The following PTPRN2 variants were observed in gnomAD, a reference collection of about 807,000 sequenced individuals.
The protein encoded by PTPRN2 is protein tyrosine phosphatase receptor type N2.
PTPRN2 carries 74 observed loss-of-function variants against 118.8 expected under a neutral mutation model. The ratio of observed to expected loss-of-function variants is 0.62; its 90% CI spans 0.52 to 0.76. PTPRN2 has a LOEUF of 0.76. Ranked by LOEUF, PTPRN2 falls within the 30% of genes least tolerant of loss-of-function variation. The pLI is 0.00. For synonymous variants in PTPRN2, 641 were observed against 608.0 expected, an observed-to-expected ratio of 1.05 and a Z score of -0.80; for missense variants, 1,481 against 1,394.4, an observed-to-expected ratio of 1.06 and a Z score of -0.99.
Position 158,253,364 on chromosome 7 carries a change from T to C in PTPRN2, c.278-48091A>G, listed in dbSNP as rs183791588. Among the ~76,000 whole-genome samples, 15 of 152,288 alleles carry C rather than the reference T, an allele frequency of 9.8e-5. No homozygotes were observed. The East Asian group carries it at 2.7e-3, about 27-fold the overall frequency. On this transcript the variant is annotated intron_variant, in intron 3 of 22. Coordinates refer to ENST00000389418, the MANE Select transcript of PTPRN2 (RefSeq NM_002847.5). Reference sequence around the variant, plus strand: ...TCTGCCCATTAAATACACTTTCGCGTGTTTCTTTTAACAACGTGCTCCTTT... The same window carrying C: ...TCTGCCCATTAAATACACTTTCGCGCGTTTCTTTTAACAACGTGCTCCTTT...
chr7:157,901,854 C>A (rs1192037574), intron 11 of PTPRN2, among the ~76,000 whole-genome samples: 1 of 135,760 alleles, frequency 7.4e-6, no homozygotes, highest in Admixed American at 7.8e-5. Context: ...GTGGGACCTT[C>A]CCGTCCGTGT....
intron 6 of PTPRN2, among the ~76,000 whole-genome samples, chr7:158,147,849 C>T (rs1169749203): frequency 3.3e-5 from 4 of 120,038 alleles, no homozygotes; most frequent in African/African-American, 9.1e-5. Context: ...TCTCACGCCA[C>T]GTGTCTTTCC....
intron 11 of PTPRN2, among the ~76,000 whole-genome samples, chr7:157,957,567 A>T (rs1484011151): frequency 2.0e-5 from 3 of 152,024 alleles, no homozygotes; most frequent in African/African-American, 7.2e-5. Context: ...TACTATTAAT[A>T]ATTATTATTT....
Position 157,882,265 on chromosome 7 carries a change from A to C in PTPRN2, c.1788+16408T>G, listed in dbSNP as rs557503273. Among the ~76,000 whole-genome samples, 12 of 151,894 alleles carry C rather than the reference A, an allele frequency of 7.9e-5. No homozygotes were observed. In the East Asian group the frequency reaches 2.3e-3, roughly 29 times the overall value. On this transcript the variant is annotated intron_variant, in intron 12 of 22. Coordinates refer to ENST00000389418, the MANE Select transcript of PTPRN2 (RefSeq NM_002847.5). ...GTTGGAGAACAGAACACGCCACCCC[A>C]AAAATGACTGTCAGAGATCAGAACA...
chr7:157,994,409 G>A (rs1339660709), intron 11 of PTPRN2, among the ~76,000 whole-genome samples: 6 of 151,994 alleles, frequency 3.9e-5, no homozygotes, highest in Admixed American at 1.3e-4. Flanking sequence ...ACCAGGGAGC[G>A]AGAGGAAGAT....
chr7:158,468,072 G>T (rs1375015450), intron 2 of PTPRN2, among the ~76,000 whole-genome samples: 2 of 152,104 alleles, frequency 1.3e-5, no homozygotes, highest in African/African-American at 4.8e-5. Context: ...AAAAATTGTG[G>T]CATTTTTACA....
chr7:158,261,569 C>A (rs1156407360), intron 3 of PTPRN2, among the ~76,000 whole-genome samples: 1 of 152,088 alleles, frequency 6.6e-6, no homozygotes, highest in Non-Finnish European at 1.5e-5. Flanking sequence ...AGGCTTGGTG[C>A]CTGGGGGACT....
At chr7:158,324,855 A>G (rs10949718) in intron 2 of PTPRN2, among the ~76,000 whole-genome samples, 146,753 of 152,166 alleles carry the variant, frequency 0.96, 70,821 homozygotes, top group African/African-American at 0.99. Context: ...TGAGGAAAGT[A>G]CTCTTGCCAC....
chr7:157,810,865 C>T (rs914110407), intron 12 of PTPRN2, among the ~76,000 whole-genome samples: 7 of 152,082 alleles, frequency 4.6e-5, no homozygotes, highest in African/African-American at 1.4e-4. Flanking sequence ...CCAGGGCTCA[C>T]GCTTTTCCAT....
intron 11 of PTPRN2, among the ~76,000 whole-genome samples, chr7:158,072,114 G>GGTGGTGGAGGTGCTC (rs1811982150): frequency 7.0e-6 from 1 of 143,616 alleles, no homozygotes; most frequent in Non-Finnish European, 1.6e-5. Flanking sequence ...AGGTGCTCAT[G>GGTGGTGGAGGTGCTC]GTGGTGGAGG....
chr7:158,280,823 G>A (rs1209376498), intron 3 of PTPRN2, among the ~76,000 whole-genome samples: 1 of 152,264 alleles, frequency 6.6e-6, no homozygotes, highest in Non-Finnish European at 1.5e-5. Flanking sequence ...TCCCGAGACT[G>A]AAATGACAAA....
chr7:157,639,012 C>T (rs181889741), intron 14 of PTPRN2, among the ~76,000 whole-genome samples: 2 of 151,980 alleles, frequency 1.3e-5, no homozygotes, highest in African/African-American at 2.4e-5. Flanking sequence ...AGACAGCCAT[C>T]GGTAGGATGT....
intron 2 of PTPRN2, among the ~76,000 whole-genome samples, chr7:158,343,402 C>G (rs1403699402): frequency 6.6e-6 from 1 of 152,170 alleles, no homozygotes. Context: ...CGAAGCAAAA[C>G]CGAAAATAAC....
Position 157,964,589 on chromosome 7 carries a change from G to A in PTPRN2, c.1724-65852C>T, listed in dbSNP as rs547585719. Reference sequence around the variant, plus strand: ...ACCCCGTGCAGGCCACAACACAGGAGCAGGTGCAGCAGGGCCCTTGAGTCT... The same window carrying A: ...ACCCCGTGCAGGCCACAACACAGGAACAGGTGCAGCAGGGCCCTTGAGTCT... On this transcript the variant is annotated intron_variant, in intron 11 of 22. Transcript: ENST00000389418. This position sits in a 1 kb window ranked among gnomAD's most constrained non-coding sequence, Gnocchi z 9.0. Among the ~76,000 whole-genome samples the A allele has an allele frequency of 1.2e-3, 176 of 152,334 alleles. No homozygotes were observed. The highest frequency in any genetic ancestry group is 4.8e-3 in the South Asian group (23 of 4,826).
chr7:158,359,442 G>A (rs747684332), intron 2 of PTPRN2, among the ~76,000 whole-genome samples: 3 of 152,068 alleles, frequency 2.0e-5, no homozygotes, highest in Non-Finnish European at 2.9e-5. Flanking sequence ...CACTCCGCTC[G>A]GCCAGCCGGG....
At chr7:158,061,010 T>G (rs1810286390) in intron 11 of PTPRN2, among the ~76,000 whole-genome samples, 1 of 152,256 alleles carries the variant, frequency 6.6e-6, no homozygotes, top group Admixed American at 6.5e-5. Context: ...TAAATCAGAC[T>G]GACCTTCCAC....
At chr7:157,586,013 C>T (rs993169989) in intron 17 of PTPRN2, among the ~76,000 whole-genome samples, 7 of 152,068 alleles carry the variant, frequency 4.6e-5, no homozygotes, top group African/African-American at 9.7e-5. Flanking sequence ...GATAAGGCAA[C>T]GTGAGAAACA....
chr7:157,973,317 A>G (rs905834300), intron 11 of PTPRN2, among the ~76,000 whole-genome samples: 3 of 152,002 alleles, frequency 2.0e-5, no homozygotes, highest in Non-Finnish European at 4.4e-5. Flanking sequence ...GAACCACATA[A>G]AACCTGCAGA....
intron 12 of PTPRN2, among the ~76,000 whole-genome samples, chr7:157,686,000 C>T (rs1797170015): frequency 6.6e-6 from 1 of 151,866 alleles, no homozygotes; most frequent in Admixed American, 6.5e-5. Context: ...GGGGGAGGCC[C>T]GGAGGGCGAC....
Sources: allele counts gnomAD v4.1 joint callset (sites outside exome capture counted in the v4.1 genomes callset), GRCh38; gene constraint gnomAD v4.1.1; non-coding constraint Gnocchi (gnomAD v3.1); transcripts MANE v1.5; gene names NCBI Gene and HGNC (gene_info 2026-07-23, HGNC 2026-07-21).